The following RNLS variants were observed in gnomAD, a reference collection of about 807,000 sequenced individuals.
RNLS encodes renalase, FAD dependent amine oxidase, also known as renalase.
Under a neutral mutation model 39.8 loss-of-function variants are expected in RNLS, and 39 were observed. That is an observed-to-expected ratio of 0.98 (90% CI 0.76 to 1.28). The LOEUF is 1.28. RNLS is among the 50% of genes most tolerant of loss of function. RNLS has a pLI of 0.00. For missense variants in RNLS, 410 were observed against 413.3 expected, an observed-to-expected ratio of 0.99 and a Z score of 0.07; for synonymous variants, 147 against 150.7, an observed-to-expected ratio of 0.98 and a Z score of 0.18.
chr10:88,233,623 A>G, the RNLS span, among the ~76,000 whole-genome samples: 1 of 152,234 alleles, frequency 6.6e-6, no homozygotes. Context: ...CTAGAAGATT[A>G]TGCGTTATTT....
chr10:88,458,983 C>A (rs1842789076), intron 4 of RNLS, among the ~76,000 whole-genome samples: 1 of 152,096 alleles, frequency 6.6e-6, no homozygotes, highest in Admixed American at 6.6e-5. Context: ...GTGGTATAGG[C>A]CCTTATATCT....
chr10:88,337,824 G>A (rs1191469269), intron 5 of RNLS, among the ~76,000 whole-genome samples: 3 of 152,158 alleles, frequency 2.0e-5, no homozygotes, highest in Admixed American at 2.0e-4. Flanking sequence ...CTATTCTAGT[G>A]TGTGAAGCCT....
intron 4 of RNLS, among the ~76,000 whole-genome samples, chr10:88,396,083 C>G (rs981532383): frequency 6.6e-6 from 1 of 152,058 alleles, no homozygotes; most frequent in South Asian, 2.1e-4. Context: ...TCTTCAAAAA[C>G]TACTCAAGGA....
intron 4 of RNLS, among the ~76,000 whole-genome samples, chr10:88,553,453 A>G (rs1434615208): frequency 6.6e-6 from 1 of 152,166 alleles, no homozygotes; most frequent in Non-Finnish European, 1.5e-5. Context: ...TCAGGCTTAT[A>G]AAGCTCTTAA....
the RNLS span, among the ~76,000 whole-genome samples, chr10:88,182,985 T>G: frequency 3.3e-5 from 5 of 152,196 alleles, 1 homozygote; most frequent in South Asian, 1.0e-3. Context: ...TTCTGTAAAC[T>G]CATTAAACTT....
intron 5 of RNLS, among the ~76,000 whole-genome samples, chr10:88,336,483 A>T (rs1236239036): frequency 2.0e-5 from 3 of 152,248 alleles, no homozygotes; most frequent in Non-Finnish European, 4.4e-5. Flanking sequence ...AGTTAAATAT[A>T]AACAAGTGTG....
chr10:88,510,857 A>T (rs1419520526), intron 4 of RNLS, among the ~76,000 whole-genome samples: 1 of 151,192 alleles, frequency 6.6e-6, no homozygotes, highest in African/African-American at 2.4e-5. Flanking sequence ...GAGAAAAAAA[A>T]AAAAGTTTAC....
At chr10:88,576,457 G>C (rs1009452343) in intron 3 of RNLS, among the ~76,000 whole-genome samples, 2 of 152,176 alleles carry the variant, frequency 1.3e-5, no homozygotes, top group African/African-American at 4.8e-5. Flanking sequence ...CCAAGTTTAT[G>C]TTTCTCCTAT....
the RNLS span, among the ~76,000 whole-genome samples, chr10:88,223,316 C>T: frequency 6.6e-6 from 1 of 152,326 alleles, no homozygotes. Flanking sequence ...AATCCTCCAA[C>T]CCTATGTCAA....
chr10:88,330,706 A>G (rs1847052956), intron 5 of RNLS, among the ~76,000 whole-genome samples: 1 of 152,148 alleles, frequency 6.6e-6, no homozygotes, highest in Non-Finnish European at 1.5e-5. Context: ...ATTTCCTTAT[A>G]TATCAGTGAT....
chr10:88,187,275 C>G, the RNLS span, among the ~76,000 whole-genome samples: 1 of 149,054 alleles, frequency 6.7e-6, no homozygotes, highest in African/African-American at 2.5e-5. Flanking sequence ...GTTGTATAAA[C>G]AAACAAATCA....
At chr10:88,276,542 A>G (rs2132590883) in intron 6 of RNLS, among the ~76,000 whole-genome samples, 1 of 152,268 alleles carries the variant, frequency 6.6e-6, no homozygotes, top group Admixed American at 6.5e-5. Context: ...TTAAATAATT[A>G]TTGCTTTCTC....
chr10:88,451,111 T>G (rs1242919537), intron 4 of RNLS, among the ~76,000 whole-genome samples: 1 of 152,120 alleles, frequency 6.6e-6, no homozygotes, highest in Non-Finnish European at 1.5e-5. Flanking sequence ...GGTCCTTGGG[T>G]GCAAAGATGA....
At chr10:88,320,125 T>TG (rs1846067507) in intron 5 of RNLS, among the ~76,000 whole-genome samples, 1 of 151,080 alleles carries the variant, frequency 6.6e-6, no homozygotes, top group Non-Finnish European at 1.5e-5. Flanking sequence ...AAGAAGAGAT[T>TG]GGGGGTATAT....
the RNLS span, among the ~76,000 whole-genome samples, chr10:88,221,530 A>T: frequency 6.6e-6 from 1 of 152,246 alleles, no homozygotes; most frequent in Non-Finnish European, 1.5e-5. Context: ...TCAAGGAATC[A>T]GAATAAAATA....
intron 4 of RNLS, among the ~76,000 whole-genome samples, chr10:88,453,277 A>T (rs1431299463): frequency 6.6e-6 from 1 of 152,218 alleles, no homozygotes; most frequent in Non-Finnish European, 1.5e-5. Flanking sequence ...TCTTAGTGAC[A>T]TTCCCTCTAA....
chr10:88,298,731 G>A (rs1367895938), intron 6 of RNLS, among the ~76,000 whole-genome samples: 1 of 151,974 alleles, frequency 6.6e-6, no homozygotes, highest in Non-Finnish European at 1.5e-5. Flanking sequence ...GATTACTGTA[G>A]TTTTGCAGTA....
chr10:88,416,923 C>A (rs1424742659), intron 4 of RNLS, among the ~76,000 whole-genome samples: 1 of 152,192 alleles, frequency 6.6e-6, no homozygotes, highest in East Asian at 1.9e-4. Context: ...TAATTAAGGG[C>A]AAAGATCAAA....
chr10:88,206,753 C>G, the RNLS span, among the ~76,000 whole-genome samples: 26 of 152,240 alleles, frequency 1.7e-4, no homozygotes, highest in Middle Eastern at 6.8e-3. Context: ...GAGAACGAAG[C>G]CATCGTTCAT....
Sources: gnomAD v4.1 joint callset for allele counts (sites outside exome capture counted in the v4.1 genomes callset) on GRCh38, gnomAD v4.1.1 for gene constraint, MANE v1.5 for transcripts, NCBI Gene and HGNC (gene_info 2026-07-23, HGNC 2026-07-21) for gene names.